TP53BP1: variants seen among roughly 807,000 people sequenced by gnomAD.
TP53BP1 encodes TP53-binding protein 1.
Under a neutral mutation model 200.8 loss-of-function variants are expected in TP53BP1, and 61 were observed. The ratio of observed to expected loss-of-function variants is 0.30; its 90% confidence interval spans 0.25 to 0.38. The LOEUF is 0.38. Ranked by LOEUF, TP53BP1 falls within the 10% of genes least tolerant of loss-of-function variation. The pLI is 1.00. For synonymous variants in TP53BP1, 822 were observed against 844.3 expected, an observed-to-expected ratio of 0.97 and a Z score of 0.46; for missense variants, 2,144 against 2,371.9, an observed-to-expected ratio of 0.90 and a Z score of 2.00.
chr15:43,480,819 G>T, intron 5 of TP53BP1, 76 bp downstream of exon 5: 1 of 1,501,260 alleles, frequency 6.7e-7, no homozygotes, highest in Non-Finnish European at 9.1e-7. Flanking sequence ...ATAAAGAGGA[G>T]AAATTTAGAC....
Position 43,403,621 on chromosome 15 carries a change from C to A in TP53BP1, c.*3762G>T, listed in dbSNP as rs2142895528. The A allele has an allele frequency of 4.9e-6, 6 of 1,226,512 alleles. 1 individual carries two copies. In the Admixed American group the frequency reaches 8.8e-5, roughly 18 times the overall value. The allele number at this position is 1,226,512 out of a possible 1,614,324, so 76.0% of individuals were successfully genotyped here. On this transcript the variant is annotated 3_prime_UTR_variant, in exon 28 of 28. Transcript: ENST00000382044. ...GCTATTAATCAGACTGTTCTCCTAACACTTTAACTTCATGGATGTACCTTC... is the reference window on the plus strand; with the variant it reads ...GCTATTAATCAGACTGTTCTCCTAAAACTTTAACTTCATGGATGTACCTTC...
Position 43,405,399 on chromosome 15 carries a change from G to C in TP53BP1, c.*1984C>G, listed in dbSNP as rs953748904. 7.8e-6 allele frequency: 5 copies of C among 643,308 alleles called. No homozygotes were observed. The African/African-American group carries it at 9.2e-5, about 12-fold the overall frequency. The allele number at this position is 643,308 out of a possible 1,614,324, so 39.8% of individuals were successfully genotyped here. ...AACTCCTTCCCATCATTCCCATGTG[G>C]AAGGGTCTCTCCCATCAAGGAGAAC... On this transcript the variant is annotated 3_prime_UTR_variant, in exon 28 of 28. Coordinates refer to ENST00000382044, the MANE Select transcript of TP53BP1 (RefSeq NM_001141980.3).
chr15:43,499,377 T>C (rs572344548), intron 1 of TP53BP1, among the ~76,000 whole-genome samples: 2 of 152,220 alleles, frequency 1.3e-5, no homozygotes, highest in South Asian at 4.2e-4. Context: ...AACTTACCTA[T>C]TTAACAAACC....
rs1468659805 is a variant in TP53BP1 at position 43,403,362 on chromosome 15, C to T, written c.*4021G>A. The T allele has an allele frequency of 5.0e-6, 1 of 198,052 alleles. No individual in the cohort carries two copies. Among genetic ancestry groups the T allele is most frequent in the Non-Finnish European group, 1.0e-5 (1 of 97,420 alleles). 12.3% of individuals were successfully genotyped at this position (198,052 alleles called of 1,614,324 possible). On this transcript the variant is annotated 3_prime_UTR_variant, in exon 28 of 28. Transcript: ENST00000382044. ...GTATTAAAAACAAGAGCATCCCGGG[C>T]AAAGGGAACAACACTCACAGCTCAG... is the stretch of plus-strand genomic sequence containing the variant.
Position 43,421,868 on chromosome 15 carries a change from G to A in TP53BP1, c.4087C>T (p.Pro1363Ser). 1 of 1,614,094 alleles carries A rather than the reference G, an allele frequency of 6.2e-7. No individual in the cohort carries two copies. Among genetic ancestry groups the A allele is most frequent in the Non-Finnish European group, 8.5e-7 (1 of 1,180,030 alleles). The change falls in exon 19 of 28, where the codon CCA becomes TCA. Residue 1363 changes from proline (P) to serine (S), a missense_variant. Around this residue, in one of 4 missense-constraint regions of TP53BP1, gnomAD observed 1,700 missense variants for 1,710.3 expected, o/e 0.99. Transcript: ENST00000382044. ...DFALPSSRGG[P>S]GKLSPRKGVS... The stretch of plus-strand genomic sequence containing the variant: ...CCCTGTCTGCACCTCAGTTTTCCTG[G>A]GCCTCCTCGGGAGCTGGGTAAGGCA...
intron 17 of TP53BP1, 139 bp downstream of exon 17, chr15:43,432,055 G>T: frequency 8.4e-7 from 1 of 1,196,182 alleles, no homozygotes; most frequent in Non-Finnish European, 1.2e-6. Context: ...TCTTAGAAAA[G>T]TTGTTTTTGT....
intron 23 of TP53BP1, among the ~76,000 whole-genome samples, chr15:43,415,057 G>C (rs901130915): frequency 6.6e-6 from 1 of 152,130 alleles, no homozygotes; most frequent in African/African-American, 2.4e-5. Flanking sequence ...GCACAAGAGA[G>C]AGGGGAGCAG....
chr15:43,490,126 G>C (rs2079101042), intron 4 of TP53BP1, among the ~76,000 whole-genome samples: 1 of 151,326 alleles, frequency 6.6e-6, no homozygotes, highest in Admixed American at 6.6e-5. Flanking sequence ...GTCTCGCTCT[G>C]TCACCCAGGC....
chr15:43,456,071 T>C lies in TP53BP1; in HGVS notation c.2537A>G (p.Asp846Gly), dbSNP rs34185035. Residue 846 changes from aspartate (D) to glycine (G), a missense_variant, in exon 12 of 28, where the codon GAT (aspartate) becomes GGT (glycine). By Grantham distance (94) the Asp-to-Gly change is moderately conservative (BLOSUM62 -1). This residue lies in a region of TP53BP1 where 1,700 missense variants were observed against 1,710.3 expected (regional missense o/e 0.99). Coordinates refer to ENST00000382044, the MANE Select transcript of TP53BP1 (RefSeq NM_001141980.3). ...CTCCTGGTCAAGTCTTAAAGGATCATCTGCTCTCACTAAAGGTAAGGAAGG... is the reference window on the plus strand; with the variant it reads ...CTCCTGGTCAAGTCTTAAAGGATCACCTGCTCTCACTAAAGGTAAGGAAGG... Reference protein sequence around the residue: ...SQPSLPLVRADDPLRLDQELQ... With the variant: ...SQPSLPLVRAGDPLRLDQELQ... 4.8e-4 allele frequency: 780 copies of C among 1,614,222 alleles called. 4 individuals carry two copies. The South Asian group carries it at 7.8e-3, about 16-fold the overall frequency.
At chr15:43,448,514 T>G (rs1041633279) in intron 12 of TP53BP1, among the ~76,000 whole-genome samples, 2 of 152,112 alleles carry the variant, frequency 1.3e-5, no homozygotes, top group Admixed American at 1.3e-4. Flanking sequence ...TGATAATTTT[T>G]TCCTTTAAAA....
intron 12 of TP53BP1, among the ~76,000 whole-genome samples, chr15:43,451,644 T>C (rs1210098450): frequency 1.3e-5 from 2 of 152,240 alleles, no homozygotes; most frequent in Non-Finnish European, 2.9e-5. Context: ...GCAATAAACA[T>C]ACGTCTGCAT....
chr15:43,409,820 C>G (rs900129630), intron 24 of TP53BP1, 79 bp from the exon 25 acceptor site: 1 of 649,128 alleles, frequency 1.5e-6, no homozygotes. Context: ...TTCTTACTGC[C>G]CCCTTTTCCA....
rs2045072236 is a variant in TP53BP1 at position 43,410,202 on chromosome 15, GGGT to G, written c.5306-464_5306-462del. On this transcript the variant is annotated intron_variant, in intron 24 of 27. Coordinates refer to ENST00000382044, the MANE Select transcript of TP53BP1 (RefSeq NM_001141980.3). ...GAACACTTTATAAGTTATATATGAA[GGGT>G]TTATTATAAACCACTGCATCAGCCT... 3.9e-5 allele frequency among the ~76,000 whole-genome samples: 6 copies of G among 152,198 alleles called. No homozygotes were observed. In the South Asian group the frequency reaches 1.2e-3, roughly 32 times the overall value.
intron 11 of TP53BP1, among the ~76,000 whole-genome samples, chr15:43,458,889 A>G (rs1025010380): frequency 6.6e-6 from 1 of 152,182 alleles, no homozygotes; most frequent in African/African-American, 2.4e-5. Flanking sequence ...TGTTACACCC[A>G]CTTTGGAAAA....
rs1408591828 is a variant in TP53BP1 at position 43,404,526 on chromosome 15, T to C, written c.*2857A>G. 1.4e-5 allele frequency: 22 copies of C among 1,614,050 alleles called. No individual in the cohort carries two copies. Among genetic ancestry groups the C allele is most frequent in the East Asian group, 4.5e-5 (2 of 44,896 alleles). On this transcript the variant is annotated 3_prime_UTR_variant, in exon 28 of 28. Transcript: ENST00000382044. Reference sequence around the variant, plus strand: ...TACGACTAGATTATAACAAATACTATACCCAGGCTGGTGGAACTCTGGGCA... The same window carrying C: ...TACGACTAGATTATAACAAATACTACACCCAGGCTGGTGGAACTCTGGGCA...
chr15:43,425,203 T>C (rs1033216902), intron 18 of TP53BP1, among the ~76,000 whole-genome samples: 4 of 152,184 alleles, frequency 2.6e-5, no homozygotes, highest in African/African-American at 7.2e-5. Flanking sequence ...TGTTTAAATA[T>C]AGCAACAGAA....
intron 24 of TP53BP1, among the ~76,000 whole-genome samples, chr15:43,412,387 C>T (rs1284758144): frequency 6.6e-6 from 1 of 152,180 alleles, no homozygotes; most frequent in Admixed American, 6.5e-5. Flanking sequence ...GACCTTTAGC[C>T]TTTACAGACA....
At chr15:43,437,902 C>T (rs2045836081) in intron 16 of TP53BP1, among the ~76,000 whole-genome samples, 1 of 152,198 alleles carries the variant, frequency 6.6e-6, no homozygotes, top group African/African-American at 2.4e-5. Flanking sequence ...GCTCATGGTT[C>T]TGAATGCTGA....
At chr15:43,453,071 G>A (rs1489713674) in intron 12 of TP53BP1, among the ~76,000 whole-genome samples, 2 of 151,574 alleles carry the variant, frequency 1.3e-5, no homozygotes, top group Admixed American at 1.3e-4. Context: ...GTGGGCGCCT[G>A]TAATCCCAGC....
Sources: gnomAD v4.1 joint callset for allele counts (sites outside exome capture counted in the v4.1 genomes callset) on GRCh38, gnomAD v4.1.1 for gene constraint, gnomAD v4.1.1 regional missense constraint, MANE v1.5 for transcripts, NCBI Gene and HGNC (gene_info 2026-07-23, HGNC 2026-07-21) for gene names.